RANBP2: variants seen among roughly 807,000 people sequenced by gnomAD.
RANBP2 encodes E3 SUMO-protein ligase RanBP2.
In RANBP2, 57 loss-of-function variants were observed where a neutral mutation model predicts 303.6. The observed-to-expected ratio is 0.19, with a 90% confidence interval of 0.15 to 0.23. The LOEUF (loss-of-function observed/expected upper bound fraction) is 0.23. Among genes scored for constraint, RANBP2 ranks in the 10% least tolerant of loss-of-function variants. RANBP2 has a pLI of 1.00. For synonymous variants in RANBP2, 1,167 were observed against 1,301.5 expected (o/e 0.90, Z 2.23); for missense variants, 3,138 against 3,780.8 (o/e 0.83, Z 4.46).
the RANBP2 span, chr2:109,615,913 T>C: frequency 6.2e-7 from 1 of 1,609,048 alleles, no homozygotes; most frequent in East Asian, 2.2e-5. Flanking sequence ...CTCAACAAAA[T>C]CCGATTCAGA....
the RANBP2 span, among the ~76,000 whole-genome samples, chr2:109,275,989 A>G: frequency 7.9e-5 from 12 of 152,188 alleles, no homozygotes; most frequent in African/African-American, 1.7e-4. Flanking sequence ...GGAGACGAAC[A>G]TGCCCCCATT....
At chr2:109,168,529 ATCT>A in the RANBP2 span, among the ~76,000 whole-genome samples, 1 of 152,356 alleles carries the variant, frequency 6.6e-6, no homozygotes, top group African/African-American at 2.4e-5. Flanking sequence ...CTTCTGCAAC[ATCT>A]TCTTACACTT....
At chr2:109,318,327 C>A in the RANBP2 span, among the ~76,000 whole-genome samples, 4 of 152,030 alleles carry the variant, frequency 2.6e-5, no homozygotes, top group African/African-American at 9.7e-5. Context: ...TGCCTCCCGG[C>A]CCCCAGCCCG....
chr2:108,861,295 A>T, the RANBP2 span, among the ~76,000 whole-genome samples: 2 of 151,160 alleles, frequency 1.3e-5, no homozygotes, highest in Non-Finnish European at 2.9e-5. Context: ...CATTTCGTCG[A>T]TCCTTATATA....
the RANBP2 span, among the ~76,000 whole-genome samples, chr2:108,871,370 TAA>T: frequency 0.13 from 9,883 of 77,170 alleles, 729 homozygotes; most frequent in South Asian, 0.26. Flanking sequence ...CCAACTCTAT[TAA>T]AAAAAAAAAA....
the RANBP2 span, among the ~76,000 whole-genome samples, chr2:109,477,517 G>A: frequency 6.6e-6 from 1 of 152,234 alleles, no homozygotes; most frequent in Non-Finnish European, 1.5e-5. Flanking sequence ...GTGAGACCAG[G>A]AGAGCCTCTC....
At chr2:109,278,010 CAAAAAA>C in the RANBP2 span, among the ~76,000 whole-genome samples, 351 of 81,332 alleles carry the variant, frequency 4.3e-3, 1 homozygote, top group African/African-American at 0.017. Context: ...CTGTCTCTAA[CAAAAAA>C]AAAAAAAAAA....
chr2:109,356,971 G>C, the RANBP2 span, among the ~76,000 whole-genome samples: 3 of 152,158 alleles, frequency 2.0e-5, no homozygotes, highest in Non-Finnish European at 4.4e-5. Context: ...CTGCAGCACA[G>C]ATGTCCTGTA....
At chr2:108,816,198 C>A in the RANBP2 span, 1 of 947,686 alleles carries the variant, frequency 1.1e-6, no homozygotes, top group Non-Finnish European at 1.6e-6. Flanking sequence ...CGTCTATAAT[C>A]CCATCACTTT....
the RANBP2 span, among the ~76,000 whole-genome samples, chr2:109,417,993 C>A: frequency 6.6e-6 from 1 of 152,102 alleles, no homozygotes; most frequent in Non-Finnish European, 1.5e-5. Flanking sequence ...GGGGCAACTT[C>A]CAGGTGGCTC....
the RANBP2 span, among the ~76,000 whole-genome samples, chr2:109,247,383 C>G: frequency 6.6e-6 from 1 of 152,322 alleles, no homozygotes; most frequent in African/African-American, 2.4e-5. Flanking sequence ...CCTAAGTAAC[C>G]TAGCACACTT....
the RANBP2 span, among the ~76,000 whole-genome samples, chr2:109,261,699 T>C: frequency 6.6e-6 from 1 of 152,088 alleles, no homozygotes; most frequent in Non-Finnish European, 1.5e-5. Flanking sequence ...TCTTATTGAA[T>C]TGGGTGTGTA....
chr2:109,179,765 A>G, the RANBP2 span, among the ~76,000 whole-genome samples: 1,171 of 152,304 alleles, frequency 7.7e-3, 23 homozygotes, highest in African/African-American at 0.027. Context: ...TCAAGATGCC[A>G]TCAACATATG....
the RANBP2 span, among the ~76,000 whole-genome samples, chr2:109,288,372 G>A: frequency 6.6e-6 from 1 of 152,146 alleles, no homozygotes; most frequent in African/African-American, 2.4e-5. Context: ...ACACTCAGAG[G>A]TATTCTCATC....
At chr2:109,340,905 A>G in the RANBP2 span, among the ~76,000 whole-genome samples, 1 of 152,064 alleles carries the variant, frequency 6.6e-6, no homozygotes, top group Non-Finnish European at 1.5e-5. Context: ...TAAAAAAAGG[A>G]AGAAAAAAAA....
the RANBP2 span, among the ~76,000 whole-genome samples, chr2:109,040,354 GCT>G: frequency 2.6e-5 from 4 of 152,088 alleles, no homozygotes; most frequent in African/African-American, 9.6e-5. Context: ...ATTACTTTCA[GCT>G]TTATATGAAG....
chr2:109,333,157 C>T, the RANBP2 span, among the ~76,000 whole-genome samples: 9 of 152,306 alleles, frequency 5.9e-5, no homozygotes, highest in East Asian at 3.9e-4. Context: ...TGATCTTGCT[C>T]GCGGCAGCAC....
the RANBP2 span, among the ~76,000 whole-genome samples, chr2:108,960,898 A>G: frequency 2.0e-5 from 3 of 152,256 alleles, no homozygotes; most frequent in Non-Finnish European, 2.9e-5. Context: ...ATGTACCAAG[A>G]GTATCCCCTA....
chr2:108,724,400 T>C (rs935216004), intron 1 of RANBP2, among the ~76,000 whole-genome samples: 1 of 152,224 alleles, frequency 6.6e-6, no homozygotes, highest in African/African-American at 2.4e-5. Context: ...ATGGTATGTC[T>C]TTAAAATGTC....
Sources: gnomAD v4.1 joint callset for allele counts (sites outside exome capture counted in the v4.1 genomes callset) on GRCh38, gnomAD v4.1.1 for gene constraint, MANE v1.5 for transcripts, NCBI Gene and HGNC (gene_info 2026-07-23, HGNC 2026-07-21) for gene names.